The following UBN2 variants were observed in gnomAD, a reference collection of about 807,000 sequenced individuals.
The protein encoded by UBN2 is ubinuclein 2.
UBN2 carries 35 observed loss-of-function variants against 120.2 expected under a neutral mutation model. That is an observed-to-expected ratio of 0.29 (90% CI 0.22 to 0.39). The LOEUF is 0.39. Among genes scored for constraint, UBN2 ranks in the 10% least tolerant of loss-of-function variants. The pLI is 1.00. For missense variants in UBN2, 1,693 were observed against 1,663.2 expected, an observed-to-expected ratio of 1.02 and a Z score of -0.31; for synonymous variants, 661 against 648.7, an observed-to-expected ratio of 1.02 and a Z score of -0.29.
At chr7:139,319,872 G>C in the UBN2 span, among the ~76,000 whole-genome samples, 2,923 of 151,970 alleles carry the variant, frequency 0.019, 103 homozygotes, top group African/African-American at 0.065. Context: ...GTCAGGAGAT[G>C]GCGACCATCC....
intron 15 of UBN2, among the ~76,000 whole-genome samples, chr7:139,284,860 C>A (rs962582167): frequency 4.6e-5 from 7 of 151,996 alleles, no homozygotes; most frequent in African/African-American, 1.7e-4. Context: ...ATCACTAAAT[C>A]AACTTTAAAA....
intron 1 of UBN2, among the ~76,000 whole-genome samples, chr7:139,232,312 G>T (rs1453805339): frequency 6.6e-6 from 1 of 152,254 alleles, no homozygotes; most frequent in African/African-American, 2.4e-5. Flanking sequence ...GGTTCTCCCT[G>T]TGGCGCTACA....
At chr7:139,243,285 T>C (rs182318965) in intron 2 of UBN2, among the ~76,000 whole-genome samples, 99 of 152,206 alleles carry the variant, frequency 6.5e-4, no homozygotes, top group African/African-American at 2.3e-3. Flanking sequence ...TATAGCAAAA[T>C]TCAAGGGTTT....
intron 15 of UBN2, among the ~76,000 whole-genome samples, chr7:139,288,437 T>C (rs1238205729): frequency 6.6e-6 from 1 of 151,842 alleles, no homozygotes; most frequent in African/African-American, 2.4e-5. Flanking sequence ...GACACTGAGA[T>C]GGAAAAGAGC....
At chr7:139,280,737 A>G (rs926100308) in intron 13 of UBN2, among the ~76,000 whole-genome samples, 1 of 152,060 alleles carries the variant, frequency 6.6e-6, no homozygotes, top group African/African-American at 2.4e-5. Context: ...CCTCTGCCTC[A>G]CAGGTTCAAG....
Position 139,231,929 on chromosome 7 carries a change from C to T in UBN2, c.445C>T (p.Leu149=). The T allele has an allele frequency of 6.3e-7, 1 of 1,585,130 alleles. No individual in the cohort carries two copies. Among genetic ancestry groups the T allele is most frequent in the African/African-American group, 1.4e-5 (1 of 72,354 alleles). The stretch of plus-strand genomic sequence containing the variant: ...CTGCGTGGAGTTCAGTTACCCGGAG[C>T]TGCTGCTGTGCGGAGAACAACGGGT... ...ESCVEFSYPE[L]LLCGEQRKKL... Residue 149 remains leucine (L), a synonymous_variant, in exon 1 of 18, where the codon CTG becomes TTG. Transcript: ENST00000473989.
chr7:139,317,874 G>T, the UBN2 span, among the ~76,000 whole-genome samples: 1 of 152,134 alleles, frequency 6.6e-6, no homozygotes, highest in Non-Finnish European at 1.5e-5. Flanking sequence ...TGTTGGCCAG[G>T]CTAGTCTCAA....
intron 15 of UBN2, among the ~76,000 whole-genome samples, chr7:139,292,511 G>A (rs1184801268): frequency 2.0e-5 from 3 of 152,102 alleles, no homozygotes; most frequent in African/African-American, 7.2e-5. Flanking sequence ...GTGAAAACCC[G>A]CTTTCAGGAG....
At chr7:139,275,969 A>G (rs1234301568) in intron 11 of UBN2, 128 bp from the exon 12 acceptor site, 1 of 728,182 alleles carries the variant, frequency 1.4e-6, no homozygotes. Flanking sequence ...ATACTGTACC[A>G]TTATAACTTT....
At chr7:139,320,003 G>C in the UBN2 span, among the ~76,000 whole-genome samples, 1 of 151,476 alleles carries the variant, frequency 6.6e-6, no homozygotes, top group Non-Finnish European at 1.5e-5. Context: ...GTGAACCCAG[G>C]AGGCAGAGCT....
Position 139,306,722 on chromosome 7 carries a change from G to A in UBN2, c.*8886G>A, listed in dbSNP as rs1798365257. 2 of 152,184 alleles carry A rather than the reference G, an allele frequency of 1.3e-5. No individual in the cohort carries two copies. The highest frequency in any genetic ancestry group is 2.9e-5 in the Non-Finnish European group (2 of 68,028). 9.4% of individuals were successfully genotyped at this position (152,184 alleles called of 1,614,324 possible). On this transcript the variant is annotated 3_prime_UTR_variant, in exon 18 of 18. Coordinates refer to ENST00000473989, the MANE Select transcript of UBN2 (RefSeq NM_173569.4). Reference sequence around the variant, plus strand: ...TCAAAAATACCAAATTGGTCTTTCAGAGAGTATGTAAATCTGGGGCTTGCC... The same window carrying A: ...TCAAAAATACCAAATTGGTCTTTCAAAGAGTATGTAAATCTGGGGCTTGCC...
chr7:139,237,039 A>G lies in UBN2; in HGVS notation c.503A>G (p.Asp168Gly), dbSNP rs765835196. The G allele has an allele frequency of 1.4e-5, 23 of 1,611,376 alleles. 1 individual carries two copies. Among genetic ancestry groups the G allele is most frequent in the Admixed American group, 6.7e-5 (4 of 59,898 alleles). The change falls in exon 2 of 18, where the codon GAT becomes GGT. Residue 168 changes from aspartate to glycine, a missense_variant. Asp to Gly is a moderately conservative substitution (Grantham distance 94). This residue lies in a region of UBN2 where 663 missense variants were observed against 591.2 expected (regional missense o/e 1.12). Coordinates refer to ENST00000473989, the MANE Select transcript of UBN2 (RefSeq NM_173569.4). ...KLIHTEDPFN[D>G]EHQERQEVEM... is the part of the protein sequence containing the mutation. Reference sequence around the variant, plus strand: ...ATTCACACAGAAGACCCATTTAATGATGAACATCAGGAGAGGCAAGAGGTG... The same window carrying G: ...ATTCACACAGAAGACCCATTTAATGGTGAACATCAGGAGAGGCAAGAGGTG...
rs1377418699 is a variant in UBN2, at chr7:139,301,931, A to G, written c.*4095A>G. 6.6e-6 allele frequency: 1 copy of G among 152,206 alleles called. No individual in the cohort carries two copies. Among genetic ancestry groups the G allele is most frequent in the Non-Finnish European group, 1.5e-5 (1 of 68,040 alleles). 9.4% of individuals were successfully genotyped at this position (152,206 alleles called of 1,614,324 possible). Reference sequence around the variant, plus strand: ...TAATGAAGCAGAAGAAAAGTGCAGTAGTAGATAAATGATCACAACATGTTA... The same window carrying G: ...TAATGAAGCAGAAGAAAAGTGCAGTGGTAGATAAATGATCACAACATGTTA... On this transcript the variant is annotated 3_prime_UTR_variant, in exon 18 of 18. Coordinates refer to ENST00000473989, the MANE Select transcript of UBN2 (RefSeq NM_173569.4).
At chr7:139,243,100 A>T (rs1796368151) in intron 2 of UBN2, among the ~76,000 whole-genome samples, 1 of 152,152 alleles carries the variant, frequency 6.6e-6, no homozygotes, top group African/African-American at 2.4e-5. Flanking sequence ...TAGTACTAAG[A>T]ACATCTTGTT....
chr7:139,266,547 T>C (rs1797105144), intron 7 of UBN2, 144 bp downstream of exon 7: 1 of 478,850 alleles, frequency 2.1e-6, no homozygotes, highest in African/African-American at 2.0e-5. Flanking sequence ...CACATTTGTT[T>C]CTCAGCAAAA....
chr7:139,255,910 T>A (rs947827525), intron 3 of UBN2, among the ~76,000 whole-genome samples: 3 of 152,226 alleles, frequency 2.0e-5, no homozygotes, highest in African/African-American at 7.2e-5. Flanking sequence ...ATTCACACAC[T>A]TTTATTTAGA....
chr7:139,238,323 TA>T (rs2130930278), intron 2 of UBN2, among the ~76,000 whole-genome samples: 1 of 152,294 alleles, frequency 6.6e-6, no homozygotes, highest in South Asian at 2.1e-4. Context: ...GTAGAAGAAG[TA>T]GATGAGAATA....
chr7:139,297,746 A>G lies in UBN2; in HGVS notation c.3995-41A>G, dbSNP rs750148523. On this transcript the variant is annotated intron_variant, in intron 17 of 17. Transcript: ENST00000473989. ...TTTGTTTTTGTTAGCTGGTTTTTGT[A>G]ACATATGGACCCATACCAATTTAAC... 6 of 1,592,134 alleles carry G rather than the reference A, an allele frequency of 3.8e-6. No homozygotes were observed. The East Asian group carries it at 9.0e-5, about 24-fold the overall frequency.
Position 139,231,936 on chromosome 7 carries a change from T to C in UBN2, c.452T>C (p.Leu151Pro), listed in dbSNP as rs1796029748. ...CVEFSYPELL[L>P]CGEQRKKLIH... ...GAGTTCAGTTACCCGGAGCTGCTGC[T>C]GTGCGGAGAACAACGGGTACAGAAG... The change falls in exon 1 of 18, where the codon CTG becomes CCG. Residue 151 changes from leucine to proline, a missense_variant. Physicochemically the swap from Leu to Pro is moderately conservative, Grantham distance 98. Coordinates refer to ENST00000473989, the MANE Select transcript of UBN2 (RefSeq NM_173569.4). The C allele has an allele frequency of 6.3e-7, 1 of 1,583,188 alleles. No homozygotes were observed. The highest frequency in any genetic ancestry group is 8.5e-7 in the Non-Finnish European group (1 of 1,171,354).
Sources: gnomAD v4.1 joint callset for allele counts (sites outside exome capture counted in the v4.1 genomes callset) on GRCh38, gnomAD v4.1.1 for gene constraint, gnomAD v4.1.1 regional missense constraint, MANE v1.5 for transcripts, NCBI Gene and HGNC (gene_info 2026-07-23, HGNC 2026-07-21) for gene names.